SORCS1: variants seen among roughly 807,000 people sequenced by gnomAD.
The protein encoded by SORCS1 is VPS10 domain-containing receptor SorCS1.
In SORCS1, 60 loss-of-function variants were observed where a neutral mutation model predicts 146.1. That is an observed-to-expected ratio of 0.41 (90% CI 0.33 to 0.51). SORCS1 has a LOEUF of 0.51. Among genes scored for constraint, SORCS1 ranks in the 20% least tolerant of loss-of-function variants. The pLI is 0.21. For synonymous variants in SORCS1, 637 were observed against 584.0 expected (o/e 1.09, Z -1.31); for missense variants, 1,352 against 1,487.6 (o/e 0.91, Z 1.50).
At chr10:106,835,756 A>T (rs1264935206) in intron 2 of SORCS1, among the ~76,000 whole-genome samples, 1 of 152,216 alleles carries the variant, frequency 6.6e-6, no homozygotes, top group Non-Finnish European at 1.5e-5. Context: ...CTGTAATCCC[A>T]GAACTTTGGG....
chr10:106,626,449 C>T (rs1848118386), intron 19 of SORCS1, among the ~76,000 whole-genome samples: 1 of 152,142 alleles, frequency 6.6e-6, no homozygotes, highest in African/African-American at 2.4e-5. Flanking sequence ...CGACTCAGTC[C>T]AGTGCTTTTC....
At chr10:107,179,840 AAT>A in the SORCS1 span, among the ~76,000 whole-genome samples, 1 of 151,168 alleles carries the variant, frequency 6.6e-6, no homozygotes, top group South Asian at 2.1e-4. Flanking sequence ...ACGGTTAGCA[AAT>A]ATGTTTTCCC....
chr10:106,714,630 T>C (rs746865240), intron 6 of SORCS1, among the ~76,000 whole-genome samples: 3 of 152,200 alleles, frequency 2.0e-5, no homozygotes, highest in Non-Finnish European at 4.4e-5. Context: ...GCAAGTCGTA[T>C]ATATATCTAT....
At chr10:107,057,100 G>A (rs973110791) in intron 1 of SORCS1, among the ~76,000 whole-genome samples, 1 of 152,044 alleles carries the variant, frequency 6.6e-6, no homozygotes, top group African/African-American at 2.4e-5. Context: ...AGCATGGCTA[G>A]GACACACAAA....
chr10:106,631,435 C>T (rs908712702), intron 18 of SORCS1, among the ~76,000 whole-genome samples: 2 of 152,244 alleles, frequency 1.3e-5, no homozygotes, highest in African/African-American at 2.4e-5. Flanking sequence ...TTAGTTTCCA[C>T]CCCTAGTTTT....
intron 2 of SORCS1, among the ~76,000 whole-genome samples, chr10:106,852,582 C>T (rs1287071651): frequency 7.0e-6 from 1 of 143,126 alleles, no homozygotes; most frequent in Non-Finnish European, 1.5e-5. Flanking sequence ...GAGCTGAAAT[C>T]ACACCACTGC....
In SORCS1 at chr10:106,930,816, C is replaced by T. The variant is rs149695147; in HGVS notation, c.626+25697G>A. Among the ~76,000 whole-genome samples the T allele has an allele frequency of 1.6e-4, 24 of 152,220 alleles. No homozygotes were observed. The East Asian group carries it at 4.6e-3, about 29-fold the overall frequency. The stretch of plus-strand genomic sequence containing the variant: ...GTCCAGGGAACCTAGTGTTCTAATG[C>T]TTCCCCACTAACTCCTTCTGAAACC... On this transcript the variant is annotated intron_variant, in intron 2 of 25. Transcript: ENST00000263054.
chr10:106,751,559 C>T (rs757921580), intron 5 of SORCS1, among the ~76,000 whole-genome samples: 1 of 152,124 alleles, frequency 6.6e-6, no homozygotes, highest in Non-Finnish European at 1.5e-5. Context: ...ACAGGGATCT[C>T]ATTACTCCTT....
At chr10:106,704,710 A>G (rs2756229) in intron 8 of SORCS1, among the ~76,000 whole-genome samples, 122,040 of 152,074 alleles carry the variant, frequency 0.8, 51,432 homozygotes, top group Non-Finnish European at 0.94. Context: ...CAAAACAAAA[A>G]CAAAAACAAA....
intron 5 of SORCS1, among the ~76,000 whole-genome samples, chr10:106,750,647 T>C (rs1858092359): frequency 7.7e-6 from 1 of 130,058 alleles, no homozygotes; most frequent in Non-Finnish European, 1.5e-5. Context: ...GAGAATGGCG[T>C]GAACCTGGGA....
At chr10:107,134,638 C>CA (rs34227817) in intron 1 of SORCS1, among the ~76,000 whole-genome samples, 13,559 of 150,244 alleles carry the variant, frequency 0.09, 857 homozygotes, top group East Asian at 0.34. Flanking sequence ...GACTCCATCT[C>CA]AAAAAAAAAG....
chr10:107,127,274 G>A (rs111917234), intron 1 of SORCS1, among the ~76,000 whole-genome samples: 4 of 152,064 alleles, frequency 2.6e-5, no homozygotes, highest in African/African-American at 9.6e-5. Context: ...TATGTGCCTG[G>A]AACCAATGAA....
At chr10:106,936,577 A>G (rs1267573414) in intron 2 of SORCS1, among the ~76,000 whole-genome samples, 1 of 152,228 alleles carries the variant, frequency 6.6e-6, no homozygotes, top group Non-Finnish European at 1.5e-5. Context: ...CTTCCTTGCA[A>G]TAAGTCTATA....
At position 106,578,768 on chromosome 10, in the gene SORCS1, CCTT is replaced by C. The variant is rs1356345412; in HGVS notation, c.3371+598_3371+600del. On this transcript the variant is annotated intron_variant, in intron 25 of 25. Coordinates refer to ENST00000263054, the MANE Select transcript of SORCS1 (RefSeq NM_052918.5). ...ACCAGCCTTAGCCTCTGAGGCCTCT[CCTT>C]CTTATATACTATTAAAGCAAATGCT... is the stretch of plus-strand genomic sequence containing the variant. 9.6e-6 allele frequency: 11 copies of C among 1,143,064 alleles called. No homozygotes were observed. In the African/African-American group the frequency reaches 1.6e-4, roughly 17 times the overall value. 70.8% of individuals were successfully genotyped at this position (1,143,064 alleles called of 1,614,324 possible).
intron 1 of SORCS1, among the ~76,000 whole-genome samples, chr10:107,150,229 T>C (rs1266905326): frequency 2.0e-5 from 3 of 152,226 alleles, no homozygotes; most frequent in African/African-American, 7.2e-5. Context: ...TGTTTTAGTA[T>C]TTTTATTATT....
intron 1 of SORCS1, among the ~76,000 whole-genome samples, chr10:107,103,045 A>C (rs1045222484): frequency 1.3e-5 from 2 of 151,788 alleles, no homozygotes; most frequent in Non-Finnish European, 2.9e-5. Flanking sequence ...TCCTTCCAAC[A>C]CTCCTGCCCG....
At position 106,677,330 on chromosome 10, in the gene SORCS1, G is replaced by A. The variant is rs778054334; in HGVS notation, c.1815C>T (p.Leu605=). ...GCCCTTACCAAAGATGTCGAATTGG[G>A]AGAGATGTGTGTTTCATAGCAACCA... ...GVLVAMKHTS[L]PIRHLWLSFD... The change falls in exon 13 of 26, where the codon CTC becomes CTT. Residue 605 remains leucine, a synonymous_variant. Transcript: ENST00000263054. 2.4e-5 allele frequency: 38 copies of A among 1,613,792 alleles called. No homozygotes were observed. In the South Asian group the frequency reaches 4.0e-4, roughly 17 times the overall value.
At chr10:107,152,741 T>C (rs1968927565) in intron 1 of SORCS1, among the ~76,000 whole-genome samples, 1 of 152,212 alleles carries the variant, frequency 6.6e-6, no homozygotes, top group Admixed American at 6.5e-5. Flanking sequence ...GTGAGTCAAT[T>C]AAACCTCTTT....
chr10:106,948,731 A>G (rs796765894), intron 2 of SORCS1, among the ~76,000 whole-genome samples: 49 of 152,128 alleles, frequency 3.2e-4, no homozygotes, highest in African/African-American at 1.1e-3. Flanking sequence ...AGGCTGAGAC[A>G]GGCAGATCAC....
Sources: gnomAD v4.1 joint callset for allele counts (sites outside exome capture counted in the v4.1 genomes callset) on GRCh38, gnomAD v4.1.1 for gene constraint, MANE v1.5 for transcripts, NCBI Gene and HGNC (gene_info 2026-07-23, HGNC 2026-07-21) for gene names.